ADCY9: variants seen among roughly 807,000 people sequenced by gnomAD.
ADCY9 encodes adenylate cyclase type 9.
Under a neutral mutation model 101.5 loss-of-function variants are expected in ADCY9, and 50 were observed. The ratio of observed to expected loss-of-function variants is 0.49; its 90% CI spans 0.39 to 0.62. The LOEUF (loss-of-function observed/expected upper bound fraction) is 0.62. ADCY9 is among the 20% of genes least tolerant of loss of function. The pLI, the probability that ADCY9 is intolerant of heterozygous loss-of-function variation, is 0.00. For missense variants in ADCY9, 1,662 were observed against 1,800.4 expected, an observed-to-expected ratio of 0.92 and a Z score of 1.39; for synonymous variants, 905 against 769.3, an observed-to-expected ratio of 1.18 and a Z score of -2.92.
At position 3,992,929 on chromosome 16, in the gene ADCY9, C is replaced by T. The variant is rs377556407; in HGVS notation, c.1989+477G>A. Among the ~76,000 whole-genome samples the T allele has an allele frequency of 2.6e-5, 4 of 152,082 alleles. No homozygotes were observed. The highest frequency in any genetic ancestry group is 2.9e-5 in the Non-Finnish European group (2 of 68,006). On this transcript the variant is annotated intron_variant, in intron 4 of 10. Transcript: ENST00000294016. This position sits in a 1 kb window ranked among gnomAD's most constrained non-coding sequence, Gnocchi z 4.2. The stretch of plus-strand genomic sequence containing the variant: ...CCCAGGTGAGTCGCCTGCATGAGCC[C>T]CCGCCGACAGGCTCTCGCGGGTGGG...
intron 2 of ADCY9, among the ~76,000 whole-genome samples, chr16:4,025,530 G>C (rs571503469): frequency 6.6e-6 from 1 of 152,362 alleles, no homozygotes; most frequent in South Asian, 2.1e-4. Context: ...GCACAGGCCA[G>C]GCTGGCAGGT....
chr16:3,991,485 A>G (rs1334486581), intron 5 of ADCY9, among the ~76,000 whole-genome samples: 3 of 152,110 alleles, frequency 2.0e-5, no homozygotes, highest in African/African-American at 4.8e-5. Context: ...CCATTAGGCC[A>G]GGCACAGGCT....
intron 2 of ADCY9, among the ~76,000 whole-genome samples, chr16:4,054,496 A>G (rs1310513723): frequency 2.0e-5 from 3 of 152,072 alleles, no homozygotes; most frequent in African/African-American, 4.8e-5. Flanking sequence ...CATTTCGCAA[A>G]CCTTCTTGCT....
chr16:3,974,287 G>A (rs976630316), intron 10 of ADCY9, among the ~76,000 whole-genome samples: 2 of 150,732 alleles, frequency 1.3e-5, no homozygotes, highest in Admixed American at 6.6e-5. Context: ...CTCGTGATCC[G>A]CCCGCCTCGG....
intron 2 of ADCY9, among the ~76,000 whole-genome samples, chr16:4,028,693 A>G (rs1356284137): frequency 2.0e-5 from 3 of 152,360 alleles, no homozygotes; most frequent in South Asian, 4.1e-4. Flanking sequence ...AAAATTGTAT[A>G]CTTTTCACAG....
chr16:3,965,582 A>G lies in ADCY9; in HGVS notation c.*193T>C. The G allele has an allele frequency of 1.6e-6, 1 of 611,982 alleles. No homozygotes were observed. The highest frequency in any genetic ancestry group is 2.8e-6 in the Non-Finnish European group (1 of 351,948). The allele number at this position is 611,982 out of a possible 1,614,324, so 37.9% of individuals were successfully genotyped here. A position where few individuals can be genotyped will look rare whatever the true frequency, so the allele number is the denominator to read the frequency against. On this transcript the variant is annotated 3_prime_UTR_variant, in exon 11 of 11. Coordinates refer to ENST00000294016, the MANE Select transcript of ADCY9 (RefSeq NM_001116.4). ...CCAGAGGCAGCGGGGTTTCCAGGGA[A>G]GGGAGCGAAAGGGAAGAATGGATGA...
chr16:3,972,684 C>A (rs2056062791), intron 10 of ADCY9, among the ~76,000 whole-genome samples: 1 of 152,174 alleles, frequency 6.6e-6, no homozygotes. Flanking sequence ...GCAGTCCTAA[C>A]CAGCCAAACG....
At chr16:4,020,090 G>T (rs557739089) in intron 2 of ADCY9, among the ~76,000 whole-genome samples, 5 of 151,822 alleles carry the variant, frequency 3.3e-5, no homozygotes, top group African/African-American at 1.2e-4. Flanking sequence ...AAAAGAAAAA[G>T]AAAAAGAAAA....
intron 2 of ADCY9, among the ~76,000 whole-genome samples, chr16:4,042,268 T>C (rs112360677): frequency 3.6e-3 from 547 of 152,216 alleles, no homozygotes; most frequent in African/African-American, 0.012. Context: ...GGTTTTCCTA[T>C]GTTGCACAGG....
intron 2 of ADCY9, among the ~76,000 whole-genome samples, chr16:4,095,163 G>A (rs7189884): frequency 0.19 from 28,136 of 147,266 alleles, 3,748 homozygotes; most frequent in African/African-American, 0.39. Context: ...CACCATGCCC[G>A]GCTAATTTTT....
intron 3 of ADCY9, among the ~76,000 whole-genome samples, chr16:3,998,223 G>T (rs2056302872): frequency 6.6e-6 from 1 of 152,172 alleles, no homozygotes; most frequent in Admixed American, 6.5e-5. Context: ...AATGTATCAA[G>T]ACCCCATCTC....
At chr16:4,019,560 C>A (rs933832466) in intron 2 of ADCY9, among the ~76,000 whole-genome samples, 2 of 152,228 alleles carry the variant, frequency 1.3e-5, no homozygotes, top group Non-Finnish European at 2.9e-5. Flanking sequence ...AGAGCTAGCT[C>A]ATAAAACAGT....
At chr16:3,981,352 G>A (rs569474565) in intron 7 of ADCY9, among the ~76,000 whole-genome samples, 1 of 152,294 alleles carries the variant, frequency 6.6e-6, no homozygotes, top group South Asian at 2.1e-4. Context: ...AGACAATGCT[G>A]GCCTCAGAGC....
chr16:4,010,787 G>A (rs1292409454), intron 2 of ADCY9, among the ~76,000 whole-genome samples: 1 of 152,136 alleles, frequency 6.6e-6, no homozygotes, highest in Admixed American at 6.5e-5. Context: ...CAGGCGTTGT[G>A]GAGTGAGAGT....
At chr16:4,049,852 A>T (rs532206461) in intron 2 of ADCY9, among the ~76,000 whole-genome samples, 24 of 152,284 alleles carry the variant, frequency 1.6e-4, no homozygotes, top group African/African-American at 5.3e-4. Context: ...ACAAGGTAAG[A>T]CCGACCCTGT....
chr16:4,095,472 G>T (rs551114081), intron 2 of ADCY9, among the ~76,000 whole-genome samples: 2 of 152,062 alleles, frequency 1.3e-5, no homozygotes, highest in Non-Finnish European at 2.9e-5. Flanking sequence ...CAGAATCATC[G>T]GTAAGAACAC....
At chr16:4,002,222 CTA>C (rs757907274) in intron 3 of ADCY9, among the ~76,000 whole-genome samples, 1 of 152,144 alleles carries the variant, frequency 6.6e-6, no homozygotes, top group Non-Finnish European at 1.5e-5. Context: ...AATTTCTAAG[CTA>C]TATATATTTA....
At chr16:3,974,834 C>A in intron 9 of ADCY9, 124 bp from the exon 10 acceptor site, 3 of 667,244 alleles carry the variant, frequency 4.5e-6, no homozygotes, top group Admixed American at 2.4e-5. Context: ...CCACATAAAG[C>A]CACCTGCTCC....
chr16:3,993,376 T>G, intron 4 of ADCY9, 30 bp downstream of exon 4: 1 of 1,608,592 alleles, frequency 6.2e-7, no homozygotes, highest in Non-Finnish European at 8.5e-7. Context: ...GGAGAGGAAC[T>G]GACAGGAACA....
Sources: gnomAD v4.1 joint callset for allele counts (sites outside exome capture counted in the v4.1 genomes callset) on GRCh38, gnomAD v4.1.1 for gene constraint, Gnocchi (gnomAD v3.1) non-coding constraint, MANE v1.5 for transcripts, NCBI Gene and HGNC (gene_info 2026-07-23, HGNC 2026-07-21) for gene names.